The following CSN2 variants were observed in gnomAD, a reference collection of about 807,000 sequenced individuals.
CSN2 encodes the protein beta-casein.
A neutral mutation model predicts 27.3 loss-of-function variants in CSN2; 27 were observed. That is an observed-to-expected ratio of 0.99 (90% CI 0.73 to 1.36). The LOEUF is 1.36. CSN2 is among the 40% of genes most tolerant of loss of function. The pLI is 0.00. For synonymous variants in CSN2, 131 were observed against 94.8 expected, an observed-to-expected ratio of 1.38 and a Z score of -2.22; for missense variants, 333 against 264.5, an observed-to-expected ratio of 1.26 and a Z score of -1.80.
chr4:69,960,134 T>G (rs1211326702), intron 2 of CSN2, 55 bp from the exon 3 acceptor site: 6 of 1,515,646 alleles, frequency 4.0e-6, no homozygotes, highest in Non-Finnish European at 9.1e-7. Context: ...TTAGAGAATT[T>G]TACTATTTTA....
At chr4:69,963,921 A>G (rs1479003936) in intron 1 of CSN2, among the ~76,000 whole-genome samples, 1 of 152,176 alleles carries the variant, frequency 6.6e-6, no homozygotes, top group African/African-American at 2.4e-5. Flanking sequence ...AGACTGATCA[A>G]GAAAATGTGT....
At position 69,957,514 on chromosome 4, in the gene CSN2, C is replaced by G; in HGVS notation, c.435G>C (p.Leu145=). 1 of 1,613,804 alleles carries G rather than the reference C, an allele frequency of 6.2e-7. No homozygotes were observed. Among genetic ancestry groups the G allele is most frequent in the Non-Finnish European group, 8.5e-7 (1 of 1,179,968 alleles). Residue 145 remains leucine (L), a synonymous_variant, in exon 6 of 8, where the codon CTG becomes CTC. Transcript: ENST00000353151. The part of the protein sequence containing the change: ...DLENLHLPLP[L]LQPLMQQVPQ... ...GGACCTGCTGCATCAAGGGCTGGAG[C>G]AGAGGCAGAGGAAGATGCAGATTTT...
At chr4:69,964,495 G>T (rs1019280713) in intron 1 of CSN2, among the ~76,000 whole-genome samples, 1 of 151,892 alleles carries the variant, frequency 6.6e-6, no homozygotes, top group Non-Finnish European at 1.5e-5. Flanking sequence ...TAATTTATTT[G>T]AGAGATGTTC....
In CSN2 at chr4:69,957,633, C is replaced by T. The variant is rs952374561; in HGVS notation, c.316G>A (p.Asp106Asn). 5 of 1,613,786 alleles carry T rather than the reference C, an allele frequency of 3.1e-6. No homozygotes were observed. In the African/African-American group the frequency reaches 5.3e-5, roughly 17 times the overall value. ...PEIMEVPKAK[D>N]TVYTKGRVMP... ...ACTCTGCCCTTAGTGTAGACAGTGT[C>T]TTTAGCTTTAGGGACTTCCATTATT... The change falls in exon 6 of 8, where the codon GAC (aspartate) becomes AAC (asparagine). Residue 106 changes from aspartate to asparagine, a missense_variant. Coordinates refer to ENST00000353151, the MANE Select transcript of CSN2 (RefSeq NM_001891.4).
At position 69,957,524 on chromosome 4, in the gene CSN2, G is replaced by A. The variant is rs768799924; in HGVS notation, c.425C>T (p.Pro142Leu). Residue 142 changes from proline (P) to leucine (L), a missense_variant, in exon 6 of 8, where the codon CCT (proline) becomes CTT (leucine). Physicochemically the swap from Pro to Leu is moderately conservative, Grantham distance 98. Coordinates refer to ENST00000353151, the MANE Select transcript of CSN2 (RefSeq NM_001891.4). ...KLTDLENLHL[P>L]LPLLQPLMQQ... The stretch of plus-strand genomic sequence containing the variant: ...CATCAAGGGCTGGAGCAGAGGCAGA[G>A]GAAGATGCAGATTTTCAAGATCAGT... The A allele has an allele frequency of 7.4e-6, 12 of 1,613,896 alleles. No homozygotes were observed. The highest frequency in any genetic ancestry group is 1.1e-5 in the South Asian group (1 of 91,078).
In CSN2 at chr4:69,965,212, C is replaced by T. The variant is rs972656463; in HGVS notation, c.-13+469G>A. Among the ~76,000 whole-genome samples, 4 of 150,546 alleles carry T rather than the reference C, an allele frequency of 2.7e-5. No individual in the cohort carries two copies. In the Admixed American group the frequency reaches 2.7e-4, roughly 10 times the overall value. The stretch of plus-strand genomic sequence containing the variant: ...TTTAAAGTAGTAAATGCCCCCATAC[C>T]ATTCCCTCCATTTCTCAACTCAGTA... On this transcript the variant is annotated intron_variant, in intron 1 of 7. Transcript: ENST00000353151.
intron 2 of CSN2, 57 bp from the exon 3 acceptor site, chr4:69,960,136 A>G: frequency 6.7e-7 from 1 of 1,494,910 alleles, no homozygotes; most frequent in South Asian, 1.1e-5. Context: ...AGAGAATTTT[A>G]CTATTTTATG....
intron 7 of CSN2, among the ~76,000 whole-genome samples, 197 bp from the exon 8 acceptor site, chr4:69,955,789 G>C (rs559207463): frequency 1.4e-4 from 21 of 152,088 alleles, no homozygotes; most frequent in African/African-American, 4.6e-4. Flanking sequence ...ACTTGAAATT[G>C]TTTCAGTGAA....
chr4:69,962,078 A>G (rs1404324023), intron 1 of CSN2, among the ~76,000 whole-genome samples: 2 of 152,120 alleles, frequency 1.3e-5, no homozygotes, highest in Non-Finnish European at 2.9e-5. Flanking sequence ...TCAAGGAAAT[A>G]AAAGAGGATA....
At chr4:69,955,655 T>C (rs1723373589) in intron 7 of CSN2, 63 bp from the exon 8 acceptor site, 1 of 152,518 alleles carries the variant, frequency 6.6e-6, no homozygotes, top group Admixed American at 6.6e-5. Context: ...TCAACTCTCT[T>C]CACTTTTAAC....
chr4:69,955,545 C>T lies in CSN2; in HGVS notation c.*84G>A, dbSNP rs1164053691. 2.6e-5 allele frequency: 4 copies of T among 152,344 alleles called. No individual in the cohort carries two copies. The highest frequency in any genetic ancestry group is 1.9e-4 in the East Asian group (1 of 5,184). The allele number at this position is 152,344 out of a possible 1,614,324, so 9.4% of individuals were successfully genotyped here. ...TTCAAACATACTTAATTTGGGGTAA[C>T]GTGATACAAAGACGGAAAAGGCATC... On this transcript the variant is annotated 3_prime_UTR_variant, in exon 8 of 8. Coordinates refer to ENST00000353151, the MANE Select transcript of CSN2 (RefSeq NM_001891.4).
At chr4:69,962,182 C>T (rs951301245) in intron 1 of CSN2, among the ~76,000 whole-genome samples, 7 of 152,008 alleles carry the variant, frequency 4.6e-5, no homozygotes, top group Admixed American at 1.3e-4. Flanking sequence ...AGATTCAATG[C>T]CATCCCCATT....
At chr4:69,959,435 G>C (rs1056286199) in intron 3 of CSN2, among the ~76,000 whole-genome samples, 1 of 151,962 alleles carries the variant, frequency 6.6e-6, no homozygotes, top group Non-Finnish European at 1.5e-5. Context: ...TGAATCATAA[G>C]AGTTAAACAC....
chr4:69,958,244 T>A (rs1378841629), intron 5 of CSN2, among the ~76,000 whole-genome samples: 1 of 152,156 alleles, frequency 6.6e-6, no homozygotes, highest in African/African-American at 2.4e-5. Context: ...TGTTTTGTTT[T>A]GGTTTGATGA....
intron 1 of CSN2, among the ~76,000 whole-genome samples, chr4:69,963,640 G>A (rs1723687108): frequency 6.6e-6 from 1 of 152,106 alleles, no homozygotes; most frequent in African/African-American, 2.4e-5. Context: ...AATGTTAAAT[G>A]ACGTGTTAAT....
intron 7 of CSN2, among the ~76,000 whole-genome samples, chr4:69,955,950 G>A (rs537062309): frequency 6.6e-6 from 1 of 151,922 alleles, no homozygotes; most frequent in Non-Finnish European, 1.5e-5. Flanking sequence ...ATGAAGGCTA[G>A]GTTAGAAATA....
intron 1 of CSN2, among the ~76,000 whole-genome samples, chr4:69,963,977 C>T (rs556970087): frequency 1.7e-3 from 251 of 148,256 alleles, no homozygotes; most frequent in Non-Finnish European, 1.3e-3. Context: ...TTTCACTAAA[C>T]GGTTACCATG....
Position 69,957,650 on chromosome 4 carries a change from TC to T in CSN2, c.298del (p.Glu100LysfsTer15). On this transcript the variant is annotated frameshift_variant, in exon 6 of 8. Transcript: ENST00000353151. LOFTEE classifies it high-confidence loss of function. Reference protein sequence around the residue: ...VLPVPQPEIMEVPKAKDTVYT... With the variant: ...VLPVPQPEIMXVPKAKDTVYT... ...GACAGTGTCTTTAGCTTTAGGGACT[TC>T]CATTATTTCAGGCTGAGGGACAGGC... 1.2e-6 allele frequency: 2 copies of T among 1,613,882 alleles called. No homozygotes were observed. The highest frequency in any genetic ancestry group is 1.7e-6 in the Non-Finnish European group (2 of 1,179,966).
chr4:69,957,128 A>C, intron 6 of CSN2, 146 bp downstream of exon 6: 1 of 837,252 alleles, frequency 1.2e-6, no homozygotes, highest in Non-Finnish European at 1.8e-6. Flanking sequence ...TGTTGTGCAC[A>C]TGTACCCTAA....
Sources: allele counts gnomAD v4.1 joint callset (sites outside exome capture counted in the v4.1 genomes callset), GRCh38; gene constraint gnomAD v4.1.1; transcripts MANE v1.5; gene names NCBI Gene and HGNC (gene_info 2026-07-23, HGNC 2026-07-21).